The following SGCZ variants were observed in gnomAD, a reference collection of about 807,000 sequenced individuals.
SGCZ encodes zeta-sarcoglycan.
Under a neutral mutation model 41.3 loss-of-function variants are expected in SGCZ, and 40 were observed. That is an observed-to-expected ratio of 0.97 (90% CI 0.75 to 1.26). The LOEUF is 1.26. Ranked by LOEUF, SGCZ falls within the 50% of genes most tolerant of loss-of-function variation. The probability of loss-of-function intolerance (pLI) is 0.00; values close to 1 mark genes in which losing one functional copy is unlikely to be tolerated. For missense variants in SGCZ, 552 were observed against 369.8 expected (o/e 1.49, Z -4.04); for synonymous variants, 206 against 137.5 (o/e 1.50, Z -3.49).
chr8:14,545,375 G>A (rs1585066198), intron 2 of SGCZ, among the ~76,000 whole-genome samples: 1 of 148,920 alleles, frequency 6.7e-6, no homozygotes, highest in African/African-American at 2.5e-5. Context: ...CAACAAATAA[G>A]ACAATATTTC....
intron 1 of SGCZ, among the ~76,000 whole-genome samples, chr8:15,094,392 C>T (rs2131068428): frequency 6.6e-6 from 1 of 152,282 alleles, no homozygotes; most frequent in Non-Finnish European, 1.5e-5. Context: ...GCCTTGGCCT[C>T]CCAAAGTGCT....
chr8:14,912,412 G>A (rs1195340411), intron 1 of SGCZ, among the ~76,000 whole-genome samples: 1 of 151,896 alleles, frequency 6.6e-6, no homozygotes, highest in Non-Finnish European at 1.5e-5. Context: ...TCTTACCTCA[G>A]CATAGAAATG....
intron 1 of SGCZ, among the ~76,000 whole-genome samples, chr8:14,612,229 C>A (rs1322143726): frequency 1.3e-5 from 2 of 152,104 alleles, no homozygotes; most frequent in African/African-American, 4.8e-5. Context: ...AGGGAGGGAA[C>A]TGTTGCCAGG....
chr8:14,587,663 T>C (rs908470328), intron 1 of SGCZ, among the ~76,000 whole-genome samples: 2 of 152,184 alleles, frequency 1.3e-5, no homozygotes, highest in East Asian at 3.9e-4. Context: ...GCCAATCTAA[T>C]AGGAAGCAGA....
At chr8:14,938,499 T>A (rs1800158905) in intron 1 of SGCZ, among the ~76,000 whole-genome samples, 1 of 152,198 alleles carries the variant, frequency 6.6e-6, no homozygotes, top group African/African-American at 2.4e-5. Context: ...TTTCTTAAAA[T>A]TTTCTTTTTA....
intron 1 of SGCZ, among the ~76,000 whole-genome samples, chr8:15,176,259 C>A (rs547278832): frequency 3.3e-5 from 5 of 152,026 alleles, no homozygotes; most frequent in African/African-American, 1.2e-4. Flanking sequence ...GAAGTGTTAA[C>A]GGAATCCTCA....
intron 1 of SGCZ, among the ~76,000 whole-genome samples, chr8:15,116,159 A>G (rs1157186944): frequency 2.0e-5 from 3 of 152,190 alleles, no homozygotes; most frequent in Non-Finnish European, 4.4e-5. Context: ...ACAATCCTGA[A>G]ATGGTGCTAC....
chr8:14,334,384 C>G (rs891272544), intron 2 of SGCZ, among the ~76,000 whole-genome samples: 3 of 152,018 alleles, frequency 2.0e-5, no homozygotes, highest in Non-Finnish European at 4.4e-5. Context: ...TTATGTAACA[C>G]AGAAAATAAA....
At chr8:15,233,586 T>C (rs78338628) in intron 1 of SGCZ, among the ~76,000 whole-genome samples, 6,768 of 152,120 alleles carry the variant, frequency 0.044, 257 homozygotes, top group African/African-American at 0.098. Context: ...ATTCAAGTTC[T>C]TGGTAGATGA....
In SGCZ at chr8:14,847,454, C is replaced by T. The variant is rs138605973; in HGVS notation, c.40-292528G>A. Among the ~76,000 whole-genome samples the T allele has an allele frequency of 3.3e-4, 50 of 151,422 alleles. No individual in the cohort carries two copies. In the East Asian group the frequency reaches 7.8e-3, roughly 24 times the overall value. On this transcript the variant is annotated intron_variant, in intron 1 of 7. Coordinates refer to ENST00000382080, the MANE Select transcript of SGCZ (RefSeq NM_139167.4). ...GTAAGTTGACTTCATTGCAGGAATGCAAGGATGACTAAAAATTCTCAAGTG... is the reference window on the plus strand; with the variant it reads ...GTAAGTTGACTTCATTGCAGGAATGTAAGGATGACTAAAAATTCTCAAGTG...
intron 1 of SGCZ, among the ~76,000 whole-genome samples, chr8:14,868,044 A>G (rs1803996899): frequency 6.6e-6 from 1 of 152,158 alleles, no homozygotes; most frequent in Non-Finnish European, 1.5e-5. Context: ...TCTATGTTTC[A>G]GACATACTTA....
chr8:15,218,730 A>T (rs1801497376), intron 1 of SGCZ, among the ~76,000 whole-genome samples: 1 of 152,220 alleles, frequency 6.6e-6, no homozygotes, highest in Admixed American at 6.5e-5. Context: ...ACAATAACTG[A>T]GTAATAATTG....
At chr8:15,183,937 G>C (rs898352652) in intron 1 of SGCZ, among the ~76,000 whole-genome samples, 2 of 152,040 alleles carry the variant, frequency 1.3e-5, no homozygotes, top group African/African-American at 4.8e-5. Context: ...GAGTAATAAA[G>C]GTCTGTGTAA....
At chr8:14,680,963 G>GA (rs374278969) in intron 1 of SGCZ, among the ~76,000 whole-genome samples, 31,456 of 105,936 alleles carry the variant, frequency 0.3, 5,880 homozygotes, top group Non-Finnish European at 0.37. Context: ...AAAAAGAGTG[G>GA]GAAAAAAAAA....
At chr8:14,608,527 A>T (rs183713675) in intron 1 of SGCZ, among the ~76,000 whole-genome samples, 1 of 152,166 alleles carries the variant, frequency 6.6e-6, no homozygotes, top group East Asian at 1.9e-4. Context: ...TTAAACAACC[A>T]GCTGTCTTGT....
chr8:14,300,515 T>C (rs936251617), intron 3 of SGCZ, among the ~76,000 whole-genome samples: 5 of 152,038 alleles, frequency 3.3e-5, no homozygotes, highest in Non-Finnish European at 5.9e-5. Context: ...ACTAAAGCCA[T>C]CTACTTTTTT....
chr8:14,726,354 G>A (rs1810058072), intron 1 of SGCZ, among the ~76,000 whole-genome samples: 1 of 110,924 alleles, frequency 9.0e-6, no homozygotes. Flanking sequence ...AATTAGATAG[G>A]ATTTTAAAAT....
intron 2 of SGCZ, among the ~76,000 whole-genome samples, chr8:14,525,098 C>G (rs1221797228): frequency 6.9e-6 from 1 of 145,104 alleles, no homozygotes. Context: ...GATAGATAGA[C>G]ACATAGACAG....
Position 14,347,243 on chromosome 8 carries a change from G to C in SGCZ, c.235-23039C>G, listed in dbSNP as rs372325835. Among the ~76,000 whole-genome samples, 3 of 152,196 alleles carry C rather than the reference G, an allele frequency of 2.0e-5. No homozygotes were observed. The East Asian group carries it at 5.8e-4, about 29-fold the overall frequency. ...AAGACTTCATATTGAGCTAATACGA[G>C]TGTGGCCTCTGGCAGAATTCCTACA... On this transcript the variant is annotated intron_variant, in intron 2 of 7. Coordinates refer to ENST00000382080, the MANE Select transcript of SGCZ (RefSeq NM_139167.4).
Sources: allele counts gnomAD v4.1 joint callset (sites outside exome capture counted in the v4.1 genomes callset), GRCh38; gene constraint gnomAD v4.1.1; transcripts MANE v1.5; gene names NCBI Gene and HGNC (gene_info 2026-07-23, HGNC 2026-07-21).